TRDN: variants seen among roughly 807,000 people sequenced by gnomAD.
TRDN encodes triadin.
In TRDN, 161 loss-of-function variants were observed where a neutral mutation model predicts 149.7. The observed-to-expected ratio is 1.08, with a 90% CI of 0.95 to 1.23. The LOEUF (loss-of-function observed/expected upper bound fraction) is 1.23, where lower values mean the gene tolerates loss of function less well. Ranked by LOEUF, TRDN falls within the 50% of genes most tolerant of loss-of-function variation. TRDN has a pLI of 0.00. For synonymous variants in TRDN, 294 were observed against 250.5 expected (o/e 1.17, Z -1.64); for missense variants, 896 against 823.5 (o/e 1.09, Z -1.08).
At chr6:123,254,601 C>T (rs1043437852) in intron 37 of TRDN, among the ~76,000 whole-genome samples, 2 of 151,840 alleles carry the variant, frequency 1.3e-5, no homozygotes, top group South Asian at 4.2e-4. Context: ...ATAGATCATT[C>T]TCTTTTTAAG....
chr6:123,396,987 A>G (rs1772756410), intron 12 of TRDN, among the ~76,000 whole-genome samples: 1 of 152,172 alleles, frequency 6.6e-6, no homozygotes, highest in Non-Finnish European at 1.5e-5. Context: ...GGTAAAGAAT[A>G]ATAGTATTGC....
chr6:123,273,180 A>G (rs1777260914), intron 28 of TRDN, among the ~76,000 whole-genome samples, 157 bp downstream of exon 28: 1 of 152,042 alleles, frequency 6.6e-6, no homozygotes, highest in African/African-American at 2.4e-5. Context: ...TATGCCAAGA[A>G]TTCTTATTTA....
In TRDN at chr6:123,252,864, C is replaced by T. The variant is rs138408406; in HGVS notation, c.1952-429G>A. On this transcript the variant is annotated intron_variant, in intron 37 of 40. Coordinates refer to ENST00000334268, the MANE Select transcript of TRDN (RefSeq NM_006073.4). ...TCAAAAAAGCTATTCATCAAAGTGT[C>T]ACAAAATATTTATGCTTTTAAAATA... 1.8e-3 allele frequency among the ~76,000 whole-genome samples: 271 copies of T among 152,182 alleles called. 3 individuals are homozygous for T. The highest frequency in any genetic ancestry group is 6.2e-3 in the African/African-American group (258 of 41,544).
intron 6 of TRDN, 93 bp downstream of exon 6, chr6:123,516,048 A>C: frequency 8.2e-7 from 1 of 1,216,644 alleles, no homozygotes; most frequent in Admixed American, 4.2e-5. Context: ...TAATTTGTAA[A>C]ACTGCGTGGT....
rs578142967 is a variant in TRDN, at chr6:123,309,682, T to C, written c.1510+6775A>G. Among the ~76,000 whole-genome samples, 311 of 152,028 alleles carry C rather than the reference T, an allele frequency of 2.0e-3. 1 individual carries two copies. Among genetic ancestry groups the C allele is most frequent in the Admixed American group, 3.7e-3 (57 of 15,202 alleles). On this transcript the variant is annotated intron_variant, in intron 24 of 40. Coordinates refer to ENST00000334268, the MANE Select transcript of TRDN (RefSeq NM_006073.4). Reference sequence around the variant, plus strand: ...AGGTTCACCTATACATAGTTTTTTTTCAATAAATACATTGAAAATTTTGGG... The same window carrying C: ...AGGTTCACCTATACATAGTTTTTTTCCAATAAATACATTGAAAATTTTGGG...
chr6:123,261,055 T>C (rs1224122368), intron 33 of TRDN, among the ~76,000 whole-genome samples: 2 of 151,762 alleles, frequency 1.3e-5, no homozygotes, highest in Non-Finnish European at 2.9e-5. Flanking sequence ...CCCCATTTAC[T>C]TGCCTATATC....
intron 24 of TRDN, among the ~76,000 whole-genome samples, chr6:123,308,185 C>T (rs1778685171): frequency 6.6e-6 from 1 of 152,028 alleles, no homozygotes; most frequent in Non-Finnish European, 1.5e-5. Flanking sequence ...CTTCAAAGGA[C>T]ATGATTTTAT....
intron 35 of TRDN, among the ~76,000 whole-genome samples, chr6:123,258,473 C>T (rs974278722): frequency 6.6e-6 from 1 of 152,112 alleles, no homozygotes; most frequent in Non-Finnish European, 1.5e-5. Flanking sequence ...CCTTGCATCC[C>T]AGGGATGAAG....
At chr6:123,536,515 T>G (rs1462640657) in intron 4 of TRDN, among the ~76,000 whole-genome samples, 1 of 151,854 alleles carries the variant, frequency 6.6e-6, no homozygotes, top group African/African-American at 2.4e-5. Context: ...GTTGCAAGAT[T>G]TTACTACTTA....
intron 1 of TRDN, among the ~76,000 whole-genome samples, chr6:123,602,745 C>A (rs1784335688): frequency 6.6e-6 from 1 of 152,040 alleles, no homozygotes; most frequent in Non-Finnish European, 1.5e-5. Flanking sequence ...ACTTCCCTCT[C>A]CCTGCACTTA....
At chr6:123,584,903 G>T (rs1022783268) in intron 1 of TRDN, among the ~76,000 whole-genome samples, 1 of 152,170 alleles carries the variant, frequency 6.6e-6, no homozygotes, top group Non-Finnish European at 1.5e-5. Flanking sequence ...GAACTAACTT[G>T]TAAGGCTTGT....
intron 12 of TRDN, among the ~76,000 whole-genome samples, chr6:123,433,162 A>ATATATATATATATATATATAT (rs796874348): frequency 1.1e-4 from 9 of 80,036 alleles, no homozygotes; most frequent in Non-Finnish European, 2.0e-4. Flanking sequence ...ATATATATAT[A>ATATATATATATATATATATAT]ATATATATAT....
At chr6:123,564,087 T>G (rs1782146177) in intron 2 of TRDN, among the ~76,000 whole-genome samples, 1 of 152,244 alleles carries the variant, frequency 6.6e-6, no homozygotes, top group Non-Finnish European at 1.5e-5. Flanking sequence ...CCTCATTTCA[T>G]GAAGAATTGA....
intron 1 of TRDN, among the ~76,000 whole-genome samples, chr6:123,619,867 A>C (rs1785289489): frequency 1.3e-5 from 2 of 152,168 alleles, no homozygotes; most frequent in South Asian, 4.1e-4. Context: ...CAGATAAAAA[A>C]ACAGAACCCT....
chr6:123,523,348 G>A (rs1040434135), intron 5 of TRDN, among the ~76,000 whole-genome samples: 6 of 152,164 alleles, frequency 3.9e-5, no homozygotes, highest in African/African-American at 1.4e-4. Flanking sequence ...GGTCTGGAGT[G>A]CTAAGGGTGG....
At chr6:123,219,472 C>A (rs1247394179) in intron 40 of TRDN, among the ~76,000 whole-genome samples, 2 of 151,720 alleles carry the variant, frequency 1.3e-5, no homozygotes, top group Non-Finnish European at 2.9e-5. Flanking sequence ...GTCAACCAGC[C>A]ATAGATTTTT....
intron 12 of TRDN, among the ~76,000 whole-genome samples, chr6:123,400,167 G>GTATGTATATATA (rs1554232310): frequency 3.5e-4 from 43 of 123,380 alleles, no homozygotes; most frequent in African/African-American, 1.3e-3. Context: ...ATATGTATGT[G>GTATGTATATATA]TATATATATA....
chr6:123,569,070 G>A (rs923813611), intron 2 of TRDN, among the ~76,000 whole-genome samples: 19 of 152,188 alleles, frequency 1.2e-4, no homozygotes, highest in African/African-American at 4.6e-4. Context: ...GAATAGGTTG[G>A]TAGAGGCAGC....
chr6:123,574,857 CATATATATATATATATATATATAT>C (rs1162190609), intron 1 of TRDN, among the ~76,000 whole-genome samples: 1 of 50,570 alleles, frequency 2.0e-5, no homozygotes, highest in Non-Finnish European at 3.7e-5. Context: ...TTTATATATA[CATATATATATATATATATATATAT>C]ATATATATAT....
Sources: allele counts gnomAD v4.1 joint callset (sites outside exome capture counted in the v4.1 genomes callset), GRCh38; gene constraint gnomAD v4.1.1; transcripts MANE v1.5; gene names NCBI Gene and HGNC (gene_info 2026-07-23, HGNC 2026-07-21).